Variants in RALGDS observed in about 807,000 individuals in gnomAD.
RALGDS encodes ral guanine nucleotide exchange factor.
Under a neutral mutation model 99.8 loss-of-function variants are expected in RALGDS, and 44 were observed. The ratio of observed to expected loss-of-function variants is 0.44; its 90% CI spans 0.35 to 0.57. RALGDS has a LOEUF of 0.57. Ranked by LOEUF, RALGDS falls within the 20% of genes least tolerant of loss-of-function variation. RALGDS has a pLI of 0.01. For missense variants in RALGDS, 1,022 were observed against 1,203.1 expected (o/e 0.85, Z 2.23); for synonymous variants, 529 against 505.0 (o/e 1.05, Z -0.64).
At chr9:133,137,936 T>C (rs1304110521) in intron 1 of RALGDS, among the ~76,000 whole-genome samples, 2 of 152,238 alleles carry the variant, frequency 1.3e-5, no homozygotes, top group Non-Finnish European at 2.9e-5. Flanking sequence ...CAGGCCCCTG[T>C]GTCCAGCAGG....
intron 1 of RALGDS, among the ~76,000 whole-genome samples, chr9:133,141,475 C>T (rs1488092664): frequency 1.3e-5 from 2 of 152,028 alleles, no homozygotes; most frequent in African/African-American, 4.8e-5. Context: ...GGCTTTCTTA[C>T]ACCCTCACAG....
At chr9:133,129,309 C>T in intron 1 of RALGDS, 1 of 1,587,282 alleles carries the variant, frequency 6.3e-7, no homozygotes, top group Admixed American at 1.7e-5. Flanking sequence ...TGGCCTGCTT[C>T]CCGGGCCATG....
intron 10 of RALGDS, 77 bp downstream of exon 10, chr9:133,104,186 G>A (rs866109341): frequency 3.0e-5 from 44 of 1,456,512 alleles, no homozygotes; most frequent in African/African-American, 2.0e-4. Flanking sequence ...CATAGGCACC[G>A]TGGCTAGAGA....
At chr9:133,118,918 G>C (rs1022875066) in intron 1 of RALGDS, among the ~76,000 whole-genome samples, 2 of 152,238 alleles carry the variant, frequency 1.3e-5, no homozygotes. Flanking sequence ...CTACTCTGTA[G>C]GGTTGGTCTA....
intron 1 of RALGDS, among the ~76,000 whole-genome samples, chr9:133,119,853 T>C (rs1831825185): frequency 6.6e-6 from 1 of 151,718 alleles, no homozygotes; most frequent in African/African-American, 2.4e-5. Context: ...GAGAAACAAG[T>C]CGCATCCAGG....
At chr9:133,123,799 CACAG>C (rs1213626310), upstream of RALGDS, among the ~76,000 whole-genome samples, 1 of 75,216 alleles carries the variant, frequency 1.3e-5, no homozygotes, top group Non-Finnish European at 3.2e-5. Flanking sequence ...GAGATGCACA[CACAG>C]AGACACACAC....
chr9:133,129,551 C>T (rs1250839175), intron 1 of RALGDS: 3 of 934,760 alleles, frequency 3.2e-6, no homozygotes, highest in Non-Finnish European at 4.3e-6. Context: ...TAGCTTTCTC[C>T]CTTAATTCTC....
intron 7 of RALGDS, 66 bp from the exon 8 acceptor site, chr9:133,106,814 C>T (rs1043233784): frequency 6.2e-6 from 8 of 1,300,642 alleles, no homozygotes; most frequent in African/African-American, 1.5e-5. Context: ...GCCTCAGTCC[C>T]CCTTGGCCAA....
upstream of RALGDS, among the ~76,000 whole-genome samples, chr9:133,132,510 A>G (rs965814267): frequency 6.6e-6 from 1 of 152,136 alleles, no homozygotes; most frequent in African/African-American, 2.4e-5. Context: ...CCTTGTCTGC[A>G]AAGTGTGACC....
At chr9:133,117,542 C>T (rs576555573) in intron 1 of RALGDS, among the ~76,000 whole-genome samples, 245 of 152,404 alleles carry the variant, frequency 1.6e-3, no homozygotes, top group African/African-American at 5.5e-3. Context: ...CTGCCTCCCC[C>T]GCCCGTGGGC....
chr9:133,107,020 C>T lies in RALGDS; in HGVS notation c.1413+65G>A, dbSNP rs1831098435. Reference sequence around the variant, plus strand: ...ACTGGGGCCTGTACAGGGCCTTGGACTGCAGACCACAACCTGAGAACAGAT... The same window carrying T: ...ACTGGGGCCTGTACAGGGCCTTGGATTGCAGACCACAACCTGAGAACAGAT... On this transcript the variant is annotated intron_variant, in intron 7 of 17. Coordinates refer to ENST00000372050, the MANE Select transcript of RALGDS (RefSeq NM_006266.4). The T allele has an allele frequency of 7.7e-6, 12 of 1,567,460 alleles. No homozygotes were observed. The South Asian group carries it at 1.2e-4, about 16-fold the overall frequency.
chr9:133,114,868 T>C (rs1384824016), intron 1 of RALGDS, among the ~76,000 whole-genome samples: 6 of 152,184 alleles, frequency 3.9e-5, no homozygotes, highest in Non-Finnish European at 8.8e-5. Context: ...CCTTCTAACA[T>C]TTGGGTCAGT....
At chr9:133,149,111 C>T (rs1832672856) in exon 1 of RALGDS, 1 of 463,998 alleles carries the variant, frequency 2.2e-6, no homozygotes, top group African/African-American at 2.1e-5. Flanking sequence ...CCGGTCCCCG[C>T]CGGGCCCAGG....
upstream of RALGDS, among the ~76,000 whole-genome samples, chr9:133,134,880 G>A (rs187175044): frequency 1.6e-4 from 25 of 152,244 alleles, no homozygotes; most frequent in African/African-American, 6.0e-4. Context: ...CTCAGAGATG[G>A]CACAAAGCTC....
At chr9:133,105,866 A>AGCCTGCG (rs1491310897) in intron 9 of RALGDS, 66 bp downstream of exon 9, 1 of 11,166 alleles carries the variant, frequency 9.0e-5, no homozygotes, top group African/African-American at 3.0e-4. Flanking sequence ...CCCCAGCCCC[A>AGCCTGCG]GCCCCCGCCC....
At position 133,101,698 on chromosome 9, in the gene RALGDS, G is replaced by A. The variant is rs1830764183; in HGVS notation, c.2276C>T (p.Thr759Ile). 1 of 1,614,012 alleles carries A rather than the reference G, an allele frequency of 6.2e-7. No homozygotes were observed. Among genetic ancestry groups the A allele is most frequent in the East Asian group, 2.2e-5 (1 of 44,884 alleles). ...TSGISSASSS[T>I]SSSSASTTPV... is the part of the protein sequence containing the mutation. ...CGTGGTGGAGGCTGAGGAGGACGAG[G>A]TGCTGCTGGAGGCTGAGCTGATGCC... is the stretch of plus-strand genomic sequence containing the variant. Residue 759 changes from threonine to isoleucine, a missense_variant, in exon 16 of 18, where the codon ACC becomes ATC. This residue lies in a region of RALGDS where 825 missense variants were observed against 994.5 expected (regional missense o/e 0.83). Transcript: ENST00000372050.
chr9:133,114,894 T>C (rs891887984), intron 1 of RALGDS, among the ~76,000 whole-genome samples: 2 of 152,160 alleles, frequency 1.3e-5, no homozygotes, highest in East Asian at 3.8e-4. Flanking sequence ...GAGGGTGGCA[T>C]GGGGTCCCCG....
Position 133,101,526 on chromosome 9 carries a change from G to A in RALGDS, c.2448C>T (p.Ser816=), listed in dbSNP as rs749296759. The A allele has an allele frequency of 6.2e-7, 1 of 1,612,028 alleles. No homozygotes were observed. Among genetic ancestry groups the A allele is most frequent in the Admixed American group, 1.7e-5 (1 of 60,030 alleles). Residue 816 remains serine (S), a synonymous_variant, in exon 16 of 18, where the codon AGC becomes AGT. Coordinates refer to ENST00000372050, the MANE Select transcript of RALGDS (RefSeq NM_006266.4). ...GCCACCCCCGCCGGCTTACCAGGAT[G>A]CTCTTGTACATGTTGCCATTGTCCA... ...LDVDNGNMYK[S]ILVTSQDKAP...
At chr9:133,148,979 A>G (rs1832670977) in exon 1 of RALGDS, 3 of 1,593,340 alleles carry the variant, frequency 1.9e-6, no homozygotes. Context: ...ATCTACCATC[A>G]TCCTCAGCCT....
Sources: gnomAD v4.1 joint callset for allele counts (sites outside exome capture counted in the v4.1 genomes callset) on GRCh38, gnomAD v4.1.1 for gene constraint, gnomAD v4.1.1 regional missense constraint, MANE v1.5 for transcripts, NCBI Gene and HGNC (gene_info 2026-07-23, HGNC 2026-07-21) for gene names.